ELP4: variants seen among roughly 807,000 people sequenced by gnomAD.
ELP4 encodes the protein elongator acetyltransferase complex subunit 4, also known as elongator complex protein 4.
ELP4 carries 51 observed loss-of-function variants against 48.9 expected under a neutral mutation model. The ratio of observed to expected loss-of-function variants is 1.04; its 90% CI spans 0.83 to 1.32. The LOEUF is 1.32. Ranked by LOEUF, ELP4 falls within the 40% of genes most tolerant of loss-of-function variation. The pLI is 0.00. For synonymous variants in ELP4, 210 were observed against 189.2 expected (o/e 1.11, Z -0.90); for missense variants, 519 against 514.6 (o/e 1.01, Z -0.08).
chr11:31,646,222 A>G (rs1170039147), intron 7 of ELP4: 1 of 151,820 alleles, frequency 6.6e-6, no homozygotes. Flanking sequence ...GTTTTTCTAT[A>G]CTTAGTGTGC....
intron 2 of ELP4, among the ~76,000 whole-genome samples, chr11:31,522,451 T>A (rs1285144055): frequency 6.6e-6 from 1 of 152,218 alleles, no homozygotes; most frequent in African/African-American, 2.4e-5. Context: ...AGACCTCAAT[T>A]TATGTACATT....
chr11:31,611,424 C>A (rs569852888), intron 5 of ELP4, among the ~76,000 whole-genome samples: 11 of 152,208 alleles, frequency 7.2e-5, no homozygotes, highest in African/African-American at 2.4e-4. Flanking sequence ...CCAATGATTC[C>A]CCAACTCATT....
At chr11:31,757,009 A>G (rs555284924) in intron 9 of ELP4, among the ~76,000 whole-genome samples, 1 of 152,240 alleles carries the variant, frequency 6.6e-6, no homozygotes, top group Non-Finnish European at 1.5e-5. Context: ...CTTCTTCGCC[A>G]TCTTTAAACT....
chr11:31,554,435 A>G (rs989189635), intron 3 of ELP4, among the ~76,000 whole-genome samples: 3 of 151,400 alleles, frequency 2.0e-5, no homozygotes, highest in Admixed American at 2.0e-4. Flanking sequence ...ATGAATAGAA[A>G]TTTATATATT....
chr11:31,580,290 A>T (rs1031117355), intron 3 of ELP4, among the ~76,000 whole-genome samples: 23 of 152,202 alleles, frequency 1.5e-4, no homozygotes, highest in Non-Finnish European at 5.9e-5. Flanking sequence ...TTTTCCTTAG[A>T]ATAAATTTAG....
intron 9 of ELP4, among the ~76,000 whole-genome samples, chr11:31,706,535 G>T (rs12362726): frequency 0.092 from 13,500 of 146,714 alleles, 809 homozygotes; most frequent in East Asian, 0.18. Context: ...AATTTAATTT[G>T]TTTATATATT....
chr11:31,698,609 C>T (rs954089438), intron 9 of ELP4, among the ~76,000 whole-genome samples: 1 of 152,094 alleles, frequency 6.6e-6, no homozygotes, highest in Admixed American at 6.6e-5. Context: ...GACAGGGTTT[C>T]AACATATTGG....
At chr11:31,593,196 T>C (rs1189496369) in intron 3 of ELP4, among the ~76,000 whole-genome samples, 4 of 152,060 alleles carry the variant, frequency 2.6e-5, no homozygotes, top group Non-Finnish European at 5.9e-5. Context: ...ACTTATTTAC[T>C]CCTTACAACA....
At chr11:31,657,183 A>T (rs1163797706) in intron 9 of ELP4, among the ~76,000 whole-genome samples, 1 of 152,034 alleles carries the variant, frequency 6.6e-6, no homozygotes, top group Non-Finnish European at 1.5e-5. Flanking sequence ...TACCTAAAAC[A>T]TTTCAAGTTT....
At chr11:31,763,825 A>G (rs1368265487) in intron 9 of ELP4, among the ~76,000 whole-genome samples, 1 of 152,078 alleles carries the variant, frequency 6.6e-6, no homozygotes, top group Non-Finnish European at 1.5e-5. Flanking sequence ...ATCTAAAGAA[A>G]TGAGTTTTCA....
rs147252429 is a variant in ELP4 at position 31,693,265 on chromosome 11, C to T, written c.1143+43044C>T. On this transcript the variant is annotated intron_variant, in intron 9 of 9. Coordinates refer to ENST00000640961, the MANE Select transcript of ELP4 (RefSeq NM_019040.5). ...TGTTGGTGTGCTGTACCCATTAACT[C>T]GTCATTTACATTAGGTATATCTCCT... Among the ~76,000 whole-genome samples, 37 of 152,132 alleles carry T rather than the reference C, an allele frequency of 2.4e-4. No homozygotes were observed. The East Asian group carries it at 7.1e-3, about 29-fold the overall frequency.
chr11:31,644,891 T>A (rs973528620), intron 7 of ELP4, among the ~76,000 whole-genome samples: 1 of 151,768 alleles, frequency 6.6e-6, no homozygotes, highest in African/African-American at 2.4e-5. Context: ...ATAGTAAAAA[T>A]AAACATTTTC....
chr11:31,782,928 GACAA>G (rs1353745046), intron 9 of ELP4, among the ~76,000 whole-genome samples: 1 of 152,090 alleles, frequency 6.6e-6, no homozygotes, highest in Non-Finnish European at 1.5e-5. Context: ...AATAGACAAA[GACAA>G]ACAAGTATTC....
chr11:31,608,795 A>T (rs1295601739), intron 5 of ELP4, among the ~76,000 whole-genome samples: 2 of 152,120 alleles, frequency 1.3e-5, no homozygotes, highest in African/African-American at 2.4e-5. Flanking sequence ...TAGCGTGTCG[A>T]TGTGAGACGA....
Position 31,685,351 on chromosome 11 carries a change from AAAC to A in ELP4, c.1143+35145_1143+35147del, listed in dbSNP as rs905330417. Among the ~76,000 whole-genome samples, 24 of 152,198 alleles carry A rather than the reference AAAC, an allele frequency of 1.6e-4. No individual in the cohort carries two copies. In the South Asian group the frequency reaches 3.3e-3, roughly 21 times the overall value. On this transcript the variant is annotated intron_variant, in intron 9 of 9. Coordinates refer to ENST00000640961, the MANE Select transcript of ELP4 (RefSeq NM_019040.5). ...GGCTACAGAGCAAGACTCCGTCTCA[AAAC>A]AACAACAACAACAAAATAGCAAAGG...
intron 9 of ELP4, among the ~76,000 whole-genome samples, chr11:31,708,253 G>A (rs1946673811): frequency 6.6e-6 from 1 of 151,972 alleles, no homozygotes; most frequent in African/African-American, 2.4e-5. Flanking sequence ...AAAGCATCAT[G>A]ATGTTCTCAA....
chr11:31,660,654 T>A (rs563205861), intron 9 of ELP4, among the ~76,000 whole-genome samples: 1 of 152,238 alleles, frequency 6.6e-6, no homozygotes, highest in South Asian at 2.1e-4. Context: ...GTACTTGTTT[T>A]TTTTTAACAT....
At chr11:31,587,509 G>C (rs546362763) in intron 3 of ELP4, among the ~76,000 whole-genome samples, 2 of 152,292 alleles carry the variant, frequency 1.3e-5, no homozygotes, top group Admixed American at 1.3e-4. Context: ...ACTTCTTACT[G>C]TGCTCCAAAA....
At chr11:31,637,429 T>C (rs752697228) in intron 7 of ELP4, 3 of 151,958 alleles carry the variant, frequency 2.0e-5, no homozygotes, top group Non-Finnish European at 4.4e-5. Context: ...AAACACTATA[T>C]TTAAACTCTT....
Sources: allele counts gnomAD v4.1 joint callset (sites outside exome capture counted in the v4.1 genomes callset), GRCh38; gene constraint gnomAD v4.1.1; transcripts MANE v1.5; gene names NCBI Gene and HGNC (gene_info 2026-07-23, HGNC 2026-07-21).